PLEKHM2: variants seen among roughly 807,000 people sequenced by gnomAD.
PLEKHM2 encodes pleckstrin homology domain-containing family M member 2.
In PLEKHM2, 77 loss-of-function variants were observed where a neutral mutation model predicts 116.3. The observed-to-expected ratio is 0.66, with a 90% CI of 0.55 to 0.80. The LOEUF (loss-of-function observed/expected upper bound fraction) is 0.80, where lower values mean the gene tolerates loss of function less well. PLEKHM2 is among the 30% of genes least tolerant of loss of function. The probability of loss-of-function intolerance (pLI) is 0.00; values close to 1 mark genes in which losing one functional copy is unlikely to be tolerated. For synonymous variants in PLEKHM2, 562 were observed against 571.0 expected (o/e 0.98, Z 0.22); for missense variants, 1,183 against 1,354.9 (o/e 0.87, Z 1.99).
In PLEKHM2 at chr1:15,721,385, G is replaced by C; in HGVS notation, c.709G>C (p.Glu237Gln). Reference protein sequence around the residue: ...AVPSVPSTDWEDGDLTDTVSG... With the variant: ...AVPSVPSTDWQDGDLTDTVSG... ...GCCGTCTGTACCCAGCACAGACTGG[G>C]AAGGTGGGCCAGAGTCCGCTGTTAC... The change falls in exon 7 of 20, where the codon GAA (glutamate) becomes CAA (glutamine). Residue 237 changes from glutamate to glutamine, a missense_variant. Glu to Gln is a conservative substitution (Grantham distance 29). Around this residue, in one of 3 missense-constraint regions of PLEKHM2, gnomAD observed 372 missense variants for 357.2 expected, o/e 1.04. Coordinates refer to ENST00000375799, the MANE Select transcript of PLEKHM2 (RefSeq NM_015164.4). The surrounding 1 kb of genome is among the most constrained non-coding windows in gnomAD (Gnocchi z 5.1). 1 of 1,563,342 alleles carries C rather than the reference G, an allele frequency of 6.4e-7. No individual in the cohort carries two copies. Among genetic ancestry groups the C allele is most frequent in the Non-Finnish European group, 8.7e-7 (1 of 1,150,834 alleles).
intron 1 of PLEKHM2, among the ~76,000 whole-genome samples, chr1:15,696,948 T>TC (rs1322330167): frequency 6.6e-6 from 1 of 151,850 alleles, no homozygotes; most frequent in Non-Finnish European, 1.5e-5. Flanking sequence ...GCAGCAAGGG[T>TC]CCCCCCAGGA....
rs76062450 is a variant in PLEKHM2, at chr1:15,695,061, T to C, written c.60+10443T>C. 6.9e-3 allele frequency among the ~76,000 whole-genome samples: 1,049 copies of C among 152,254 alleles called. 13 individuals carry two copies. Among genetic ancestry groups the C allele is most frequent in the African/African-American group, 0.024 (986 of 41,550 alleles). ...GCATGAGCCACCGCACCTGGCCTCA[T>C]GCTGTGTACTTGTAATTTATCTTTT... On this transcript the variant is annotated intron_variant, in intron 1 of 19. Transcript: ENST00000375799.
chr1:15,725,260 G>T, intron 7 of PLEKHM2, 57 bp from the exon 8 acceptor site: 2 of 1,300,566 alleles, frequency 1.5e-6, no homozygotes, highest in Non-Finnish European at 2.2e-6. Context: ...ATGCTCTGGG[G>T]GTCGGGGACC....
chr1:15,728,040 C>A lies in PLEKHM2; in HGVS notation c.1761-39C>A. On this transcript the variant is annotated intron_variant, in intron 9 of 19. Coordinates refer to ENST00000375799, the MANE Select transcript of PLEKHM2 (RefSeq NM_015164.4). The surrounding 1 kb of genome is among the most constrained non-coding windows in gnomAD (Gnocchi z 5.9). Reference sequence around the variant, plus strand: ...TGGGGTGTGGCCTCTCTCACCGCTGCCTGCCTGACATCTCGCCCTCCTGAC... The same window carrying A: ...TGGGGTGTGGCCTCTCTCACCGCTGACTGCCTGACATCTCGCCCTCCTGAC... 1 of 1,543,472 alleles carries A rather than the reference C, an allele frequency of 6.5e-7. No individual in the cohort carries two copies. The highest frequency in any genetic ancestry group is 1.2e-5 in the South Asian group (1 of 86,538).
chr1:15,725,399 C>T lies in PLEKHM2; in HGVS notation c.795C>T (p.Pro265=). Residue 265 remains proline, a synonymous_variant, in exon 8 of 20, where the codon CCC becomes CCT. Coordinates refer to ENST00000375799, the MANE Select transcript of PLEKHM2 (RefSeq NM_015164.4). ...GCAGCAAGGCCTCCACCAGGAGCCC[C>T]ACCCAGCGCCAGAACCCCTTCAACG... ...LTSSKASTRS[P]TQRQNPFNEE... 6.4e-7 allele frequency: 1 copy of T among 1,552,844 alleles called. No individual in the cohort carries two copies. The highest frequency in any genetic ancestry group is 1.2e-5 in the South Asian group (1 of 84,140).
intron 8 of PLEKHM2, among the ~76,000 whole-genome samples, chr1:15,726,807 G>C (rs1048067638): frequency 3.3e-5 from 5 of 151,906 alleles, no homozygotes; most frequent in African/African-American, 1.2e-4. Flanking sequence ...CCCCCACCCC[G>C]CCCCTGCCAG....
chr1:15,716,159 C>A, intron 1 of PLEKHM2, 78 bp from the exon 2 acceptor site: 1 of 896,996 alleles, frequency 1.1e-6, no homozygotes, highest in Non-Finnish European at 1.7e-6. Context: ...TTTTTTTTAG[C>A]TACCTTCTTG....
rs750252017 is a variant in PLEKHM2 at position 15,698,070 on chromosome 1, C to T, written c.60+13452C>T. Among the ~76,000 whole-genome samples, 92 of 152,202 alleles carry T rather than the reference C, an allele frequency of 6.0e-4. 1 individual carries two copies. The highest frequency in any genetic ancestry group is 1.7e-3 in the South Asian group (8 of 4,816). ...CCCATGGTGGATAAACCCTTTATGA[C>T]AGCTCTACACGTTGGGGGACTTTAC... On this transcript the variant is annotated intron_variant, in intron 1 of 19. Transcript: ENST00000375799.
At chr1:15,713,004 T>A (rs970035026) in intron 1 of PLEKHM2, among the ~76,000 whole-genome samples, 1 of 152,192 alleles carries the variant, frequency 6.6e-6, no homozygotes, top group African/African-American at 2.4e-5. Context: ...TTTCACCATG[T>A]TAGCCAGGCT....
chr1:15,733,673 A>G, intron 19 of PLEKHM2, 124 bp from the exon 20 acceptor site: 2 of 995,632 alleles, frequency 2.0e-6, no homozygotes, highest in Non-Finnish European at 3.0e-6. Flanking sequence ...GTTCCCAGGG[A>G]GAGATGGGGA....
At position 15,725,383 on chromosome 1, in the gene PLEKHM2, C is replaced by T; in HGVS notation, c.779C>T (p.Ala260Val). ...STASDLTSSKASTRSPTQRQN... is the reference protein window; with the variant it reads ...STASDLTSSKVSTRSPTQRQN... ...GCCTCCGACCTGACCAGCAGCAAGGCCTCCACCAGGAGCCCCACCCAGCGC... is the reference window on the plus strand; with the variant it reads ...GCCTCCGACCTGACCAGCAGCAAGGTCTCCACCAGGAGCCCCACCCAGCGC... Residue 260 changes from alanine (A) to valine (V), a missense_variant, in exon 8 of 20, where the codon GCC (alanine) becomes GTC (valine). Ala to Val is a moderately conservative substitution (Grantham distance 64). Around this residue, in one of 3 missense-constraint regions of PLEKHM2, gnomAD observed 372 missense variants for 357.2 expected, o/e 1.04. Coordinates refer to ENST00000375799, the MANE Select transcript of PLEKHM2 (RefSeq NM_015164.4). 1 of 1,551,990 alleles carries T rather than the reference C, an allele frequency of 6.4e-7. No individual in the cohort carries two copies. The highest frequency in any genetic ancestry group is 8.7e-7 in the Non-Finnish European group (1 of 1,147,344).
rs1386759814 is a variant in PLEKHM2 at position 15,721,678 on chromosome 1, C to T, written c.712+290C>T. ...AGGGTCACCCTTCCTGATTCCAGTG[C>T]CAGCTGATGCTCTCGGGGTGTGTAG... On this transcript the variant is annotated intron_variant, in intron 7 of 19. Transcript: ENST00000375799. This position sits in a 1 kb window ranked among gnomAD's most constrained non-coding sequence, Gnocchi z 5.1. Among the ~76,000 whole-genome samples, 1 of 152,144 alleles carries T rather than the reference C, an allele frequency of 6.6e-6. No individual in the cohort carries two copies. Among genetic ancestry groups the T allele is most frequent in the East Asian group, 1.9e-4 (1 of 5,196 alleles).
rs933421057 is a variant in PLEKHM2 at position 15,700,962 on chromosome 1, C to A, written c.61-15275C>A. On this transcript the variant is annotated intron_variant, in intron 1 of 19. Transcript: ENST00000375799. ...ACCTGTCTCTACTAAAAATACAAAA[C>A]AATTAGCCATGTTGGTGGTGGACGC... Among the ~76,000 whole-genome samples the A allele has an allele frequency of 2.0e-5, 3 of 150,826 alleles. No homozygotes were observed. The Admixed American group carries it at 2.0e-4, about 10-fold the overall frequency.
At chr1:15,726,516 C>A (rs768695445) in intron 8 of PLEKHM2, among the ~76,000 whole-genome samples, 2 of 152,198 alleles carry the variant, frequency 1.3e-5, no homozygotes, top group African/African-American at 4.8e-5. Flanking sequence ...CTTAGCTAAG[C>A]CCGCTCCAGC....
rs745792439 is a variant in PLEKHM2, at chr1:15,727,572, T to A, written c.1500T>A (p.Ala500=). 6 of 1,576,318 alleles carry A rather than the reference T, an allele frequency of 3.8e-6. No homozygotes were observed. Among genetic ancestry groups the A allele is most frequent in the Non-Finnish European group, 5.2e-6 (6 of 1,161,668 alleles). The change falls in exon 9 of 20, where the codon GCT becomes GCA. Residue 500 remains alanine (A), a synonymous_variant. Coordinates refer to ENST00000375799, the MANE Select transcript of PLEKHM2 (RefSeq NM_015164.4). The surrounding 1 kb of genome is among the most constrained non-coding windows in gnomAD (Gnocchi z 7.5). ...ATGTTCCTAGTAGCCCTGAGGCTGC[T>A]GGCCAAGAAGAAGAGGGAGGAGGAG... ...PLHVPSSPEA[A]GQEEEGGGGE...
Position 15,728,060 on chromosome 1 carries a change from C to T in PLEKHM2, c.1761-19C>T. ...CGCTGCCTGCCTGACATCTCGCCCTCCTGACTTGGCCCTCACAGAGTAGAC... is the reference window on the plus strand; with the variant it reads ...CGCTGCCTGCCTGACATCTCGCCCTTCTGACTTGGCCCTCACAGAGTAGAC... On this transcript the variant is annotated intron_variant, in intron 9 of 19. Coordinates refer to ENST00000375799, the MANE Select transcript of PLEKHM2 (RefSeq NM_015164.4). The surrounding 1 kb of genome is among the most constrained non-coding windows in gnomAD (Gnocchi z 5.9). The T allele has an allele frequency of 6.2e-7, 1 of 1,601,448 alleles. No homozygotes were observed.
rs1437534182 is a variant in PLEKHM2 at position 15,721,538 on chromosome 1, T to G, written c.712+150T>G. On this transcript the variant is annotated intron_variant, in intron 7 of 19. Transcript: ENST00000375799. This position sits in a 1 kb window ranked among gnomAD's most constrained non-coding sequence, Gnocchi z 5.1. ...TTTGGTGTTCTAATAGATGGAATTC[T>G]GCAGTGGGAAAACTCAACCTCTAGC... 1.0e-5 allele frequency: 6 copies of G among 581,660 alleles called. No homozygotes were observed. In the Admixed American group the frequency reaches 1.8e-4, roughly 18 times the overall value. 36.0% of individuals were successfully genotyped at this position (581,660 alleles called of 1,614,324 possible). A position where few individuals can be genotyped will look rare whatever the true frequency, so the allele number is the denominator to read the frequency against.
In PLEKHM2 at chr1:15,728,449, G is replaced by T; in HGVS notation, c.1921+92G>T. 1 of 1,224,354 alleles carries T rather than the reference G, an allele frequency of 8.2e-7. No individual in the cohort carries two copies. 75.8% of individuals were successfully genotyped at this position (1,224,354 alleles called of 1,614,324 possible). On this transcript the variant is annotated intron_variant, in intron 11 of 19. Coordinates refer to ENST00000375799, the MANE Select transcript of PLEKHM2 (RefSeq NM_015164.4). The surrounding 1 kb of genome is among the most constrained non-coding windows in gnomAD (Gnocchi z 5.9). Reference sequence around the variant, plus strand: ...TCCCCTTGCCCTCTGAGTGCCTCCCGGCTGCCTGGCATGCAGTGATGGAAA... The same window carrying T: ...TCCCCTTGCCCTCTGAGTGCCTCCCTGCTGCCTGGCATGCAGTGATGGAAA...
At position 15,731,922 on chromosome 1, in the gene PLEKHM2, C is replaced by A. The variant is rs778661461; in HGVS notation, c.2499C>A (p.Asn833Lys). The A allele has an allele frequency of 5.6e-6, 9 of 1,611,368 alleles. No individual in the cohort carries two copies. Among genetic ancestry groups the A allele is most frequent in the African/African-American group, 1.3e-5 (1 of 74,902 alleles). Reference protein sequence around the residue: ...GEQCGGCRRANTTDRPHAFQV... With the variant: ...GEQCGGCRRAKTTDRPHAFQV... ...AGTGCGGTGGCTGCCGGAGAGCCAA[C>A]ACCACGGATCGGCCCCACGCCTTCC... is the stretch of plus-strand genomic sequence containing the variant. Residue 833 changes from asparagine to lysine, a missense_variant, in exon 17 of 20, where the codon AAC becomes AAA. Asn to Lys is a moderately conservative substitution (Grantham distance 94, BLOSUM62 0). Coordinates refer to ENST00000375799, the MANE Select transcript of PLEKHM2 (RefSeq NM_015164.4).
Sources: gnomAD v4.1 joint callset for allele counts (sites outside exome capture counted in the v4.1 genomes callset) on GRCh38, gnomAD v4.1.1 for gene constraint, gnomAD v4.1.1 regional missense constraint, Gnocchi (gnomAD v3.1) non-coding constraint, MANE v1.5 for transcripts, NCBI Gene and HGNC (gene_info 2026-07-23, HGNC 2026-07-21) for gene names.